MAF: variants seen among roughly 807,000 people sequenced by gnomAD.
MAF encodes the protein transcription factor Maf.
A neutral mutation model predicts 22.0 loss-of-function variants in MAF; 10 were observed. The ratio of observed to expected loss-of-function variants is 0.45; its 90% CI spans 0.28 to 0.77. The LOEUF is 0.77. Among genes scored for constraint, MAF ranks in the 30% least tolerant of loss-of-function variants. MAF has a pLI of 0.12. For synonymous variants in MAF, 337 were observed against 255.8 expected, an observed-to-expected ratio of 1.32 and a Z score of -3.03; for missense variants, 544 against 548.4, an observed-to-expected ratio of 0.99 and a Z score of 0.08.
At chr16:79,523,830 C>G in the MAF span, among the ~76,000 whole-genome samples, 224 of 152,276 alleles carry the variant, frequency 1.5e-3, no homozygotes, top group Non-Finnish European at 2.3e-3. Flanking sequence ...AGATTCAGTT[C>G]CACAGAAATG....
At chr16:79,393,344 C>T in the MAF span, among the ~76,000 whole-genome samples, 11 of 152,222 alleles carry the variant, frequency 7.2e-5, no homozygotes, top group Admixed American at 4.6e-4. Flanking sequence ...CCATGGTTGG[C>T]GAATAGCCAG....
the MAF span, among the ~76,000 whole-genome samples, chr16:79,545,796 A>G: frequency 3.3e-5 from 5 of 152,176 alleles, no homozygotes; most frequent in South Asian, 1.0e-3. Flanking sequence ...TTTCAATTAG[A>G]GAGGAGGAAT....
chr16:79,519,840 A>G, the MAF span, among the ~76,000 whole-genome samples: 1 of 152,234 alleles, frequency 6.6e-6, no homozygotes, highest in South Asian at 2.1e-4. Context: ...ATGTGGGGAA[A>G]AAAGGTAGAG....
At chr16:79,577,599 G>A in the MAF span, among the ~76,000 whole-genome samples, 2 of 152,138 alleles carry the variant, frequency 1.3e-5, no homozygotes, top group Non-Finnish European at 2.9e-5. Flanking sequence ...AGGGCTTCGG[G>A]AACATCACTG....
the MAF span, among the ~76,000 whole-genome samples, chr16:79,209,119 C>G: frequency 6.6e-6 from 1 of 152,268 alleles, no homozygotes; most frequent in African/African-American, 2.4e-5. Flanking sequence ...GCAAAGGAAT[C>G]AAAGCCATCT....
At chr16:79,210,299 C>T in the MAF span, among the ~76,000 whole-genome samples, 5 of 152,176 alleles carry the variant, frequency 3.3e-5, no homozygotes, top group East Asian at 5.8e-4. Context: ...GTCGTAACAC[C>T]TTCCTTGGGA....
chr16:79,516,581 T>C, the MAF span, among the ~76,000 whole-genome samples: 1 of 152,252 alleles, frequency 6.6e-6, no homozygotes, highest in Non-Finnish European at 1.5e-5. Flanking sequence ...TTGACATTTG[T>C]CAAATGTTTA....
the MAF span, among the ~76,000 whole-genome samples, chr16:79,350,994 T>C: frequency 6.6e-6 from 1 of 151,994 alleles, no homozygotes; most frequent in South Asian, 2.1e-4. Context: ...TTTTTTCACT[T>C]GCAGCTTCCA....
chr16:79,401,149 C>T, the MAF span, among the ~76,000 whole-genome samples: 18 of 152,334 alleles, frequency 1.2e-4, 1 homozygote, highest in Middle Eastern at 3.4e-3. Context: ...GCGCTGGGTC[C>T]TCACTCCTGA....
At chr16:79,335,822 T>C in the MAF span, among the ~76,000 whole-genome samples, 2 of 152,216 alleles carry the variant, frequency 1.3e-5, no homozygotes, top group South Asian at 2.1e-4. Flanking sequence ...TTAAGTTTTA[T>C]GTTCCCTTTT....
chr16:79,352,409 G>A, the MAF span, among the ~76,000 whole-genome samples: 4 of 152,144 alleles, frequency 2.6e-5, no homozygotes, highest in African/African-American at 9.7e-5. Flanking sequence ...TGGGGTCAGG[G>A]TGGATGCCTG....
the MAF span, among the ~76,000 whole-genome samples, chr16:79,236,944 GAA>G: frequency 0.073 from 10,311 of 140,662 alleles, 530 homozygotes; most frequent in Middle Eastern, 0.14. Flanking sequence ...ATAAATCTCG[GAA>G]AAAAAAAAAA....
the MAF span, among the ~76,000 whole-genome samples, chr16:79,280,597 C>T: frequency 6.6e-6 from 1 of 152,186 alleles, no homozygotes; most frequent in African/African-American, 2.4e-5. Flanking sequence ...GAAGCAAGGA[C>T]CAAGAACTGG....
chr16:79,272,831 A>G, the MAF span, among the ~76,000 whole-genome samples: 1 of 152,050 alleles, frequency 6.6e-6, no homozygotes, highest in African/African-American at 2.4e-5. Flanking sequence ...CGTTGACCTG[A>G]TTCCTTTGGT....
chr16:79,317,166 T>A, the MAF span, among the ~76,000 whole-genome samples: 6 of 140,884 alleles, frequency 4.3e-5, no homozygotes, highest in African/African-American at 1.6e-4. Context: ...CCTCCCTTCT[T>A]TCCTTCCTTC....
the MAF span, among the ~76,000 whole-genome samples, chr16:79,517,330 G>A: frequency 0.042 from 6,367 of 152,320 alleles, 198 homozygotes; most frequent in East Asian, 0.076. Context: ...TAATAAGACA[G>A]ACAGACATGC....
the MAF span, among the ~76,000 whole-genome samples, chr16:79,422,325 G>A: frequency 6.6e-6 from 1 of 152,156 alleles, no homozygotes; most frequent in Non-Finnish European, 1.5e-5. Flanking sequence ...TTTCCTTTCT[G>A]CACGGGCCAG....
At chr16:79,368,799 G>A in the MAF span, among the ~76,000 whole-genome samples, 1 of 152,102 alleles carries the variant, frequency 6.6e-6, no homozygotes, top group African/African-American at 2.4e-5. Context: ...CACACCTTTA[G>A]TCTTTGCTCA....
the MAF span, among the ~76,000 whole-genome samples, chr16:79,287,332 C>G: frequency 1.3e-5 from 2 of 152,216 alleles, no homozygotes; most frequent in Non-Finnish European, 2.9e-5. Flanking sequence ...GGAAGCACTC[C>G]CGGGCCCTCG....
Sources: gnomAD v4.1 joint callset for allele counts (sites outside exome capture counted in the v4.1 genomes callset) on GRCh38, gnomAD v4.1.1 for gene constraint, MANE v1.5 for transcripts, NCBI Gene and HGNC (gene_info 2026-07-23, HGNC 2026-07-21) for gene names.